Variants in USP15 observed in about 807,000 individuals in gnomAD.
USP15 encodes ubiquitin carboxyl-terminal hydrolase 15.
A neutral mutation model predicts 127.1 loss-of-function variants in USP15; 18 were observed. The ratio of observed to expected loss-of-function variants is 0.14; its 90% CI spans 0.10 to 0.21. The LOEUF (loss-of-function observed/expected upper bound fraction) is 0.21. USP15 is among the 10% of genes least tolerant of loss of function. USP15 has a pLI of 1.00. For missense variants in USP15, 805 were observed against 1,159.9 expected, an observed-to-expected ratio of 0.69 and a Z score of 4.44; for synonymous variants, 364 against 393.7, an observed-to-expected ratio of 0.92 and a Z score of 0.89.
chr12:62,262,442 C>G (rs1430664466), intron 1 of USP15, among the ~76,000 whole-genome samples: 1 of 151,940 alleles, frequency 6.6e-6, no homozygotes, highest in Admixed American at 6.6e-5. Context: ...AGTGAATTTC[C>G]TTAAAATAGA....
chr12:62,274,163 T>G (rs1348107207), intron 1 of USP15: 1 of 152,018 alleles, frequency 6.6e-6, no homozygotes, highest in African/African-American at 2.4e-5. Context: ...ATGACCTTGA[T>G]AAGTTATATA....
At position 62,405,816 on chromosome 12, in the gene USP15, C is replaced by T. The variant is rs1278866957; in HGVS notation, c.*1441C>T. On this transcript the variant is annotated 3_prime_UTR_variant, in exon 22 of 22. Transcript: ENST00000280377. ...TAAATAAAAGTTCACTCTGTGAGTG[C>T]ACATTTTGGTAAATTATTTATTTAT... 6.6e-6 allele frequency: 1 copy of T among 152,266 alleles called. No homozygotes were observed. The allele number at this position is 152,266 out of a possible 1,614,324, so 9.4% of individuals were successfully genotyped here.
intron 8 of USP15, among the ~76,000 whole-genome samples, chr12:62,377,727 CAAA>C (rs1029355233): frequency 7.5e-6 from 1 of 133,386 alleles, no homozygotes; most frequent in Admixed American, 7.4e-5. Flanking sequence ...ATTCCATCTC[CAAA>C]AAAAAAAAGA....
At chr12:62,298,392 C>T (rs184041592) in intron 2 of USP15, among the ~76,000 whole-genome samples, 2 of 151,900 alleles carry the variant, frequency 1.3e-5, no homozygotes, top group Non-Finnish European at 2.9e-5. Flanking sequence ...TCCAGCCAGT[C>T]GCGATGGCTC....
At chr12:62,391,087 GATTAATAAT>G (rs1023991241) in intron 15 of USP15, 61 bp from the exon 16 acceptor site, 3 of 1,500,202 alleles carry the variant, frequency 2.0e-6, no homozygotes, top group African/African-American at 2.9e-5. Flanking sequence ...GGAAACCTAG[GATTAATAAT>G]ATTAATAATT....
At chr12:62,404,066 G>T (rs764308227) in intron 21 of USP15, 127 bp from the exon 22 acceptor site, 171 of 742,192 alleles carry the variant, frequency 2.3e-4, no homozygotes, top group Non-Finnish European at 3.0e-4. Context: ...ACTTCCATTT[G>T]ACCATGCATG....
intron 8 of USP15, among the ~76,000 whole-genome samples, chr12:62,364,176 A>G (rs575236572): frequency 6.6e-6 from 1 of 152,332 alleles, no homozygotes; most frequent in African/African-American, 2.4e-5. Flanking sequence ...ATACATTTGA[A>G]TGGAGGAATG....
intron 6 of USP15, among the ~76,000 whole-genome samples, chr12:62,336,842 A>G (rs2065482940): frequency 6.6e-6 from 1 of 152,220 alleles, no homozygotes; most frequent in Admixed American, 6.5e-5. Context: ...TACATAGTTG[A>G]AAAGGAGTAT....
At chr12:62,265,476 T>G (rs1436836741) in intron 1 of USP15, among the ~76,000 whole-genome samples, 1 of 152,254 alleles carries the variant, frequency 6.6e-6, no homozygotes, top group Non-Finnish European at 1.5e-5. Context: ...ATAGCTGGGA[T>G]TTGAACCCAA....
Position 62,406,964 on chromosome 12 carries a change from CA to C in USP15, c.*2601del, listed in dbSNP as rs1006724247. 1.1e-3 allele frequency: 143 copies of C among 134,136 alleles called. No individual in the cohort carries two copies. The highest frequency in any genetic ancestry group is 4.1e-3 in the Middle Eastern group (1 of 242). 8.3% of individuals were successfully genotyped at this position (134,136 alleles called of 1,614,324 possible). A position where few individuals can be genotyped will look rare whatever the true frequency, so the allele number is the denominator to read the frequency against. On this transcript the variant is annotated 3_prime_UTR_variant, in exon 22 of 22. Coordinates refer to ENST00000280377, the MANE Select transcript of USP15 (RefSeq NM_001252078.2). ...TGTGCAACATAGCAAGACTCTGTCT[CA>C]AAAAAAAAAAAGATATTCATAGGTA...
At chr12:62,396,468 T>C in intron 20 of USP15, 70 bp downstream of exon 20, 3 of 1,239,884 alleles carry the variant, frequency 2.4e-6, no homozygotes, top group Non-Finnish European at 3.5e-6. Context: ...TTCTTTAAGA[T>C]ATTTATTACT....
rs749344516 is a variant in USP15, at chr12:62,391,341, G to T, written c.2145G>T (p.Gln715His). ...ACAAAAAACGATTGTTTACATTCCA[G>T]TTCAACAACTTAGGCAATACTGATA... ...TGHKKRLFTFQFNNLGNTDIN... is the reference protein window; with the variant it reads ...TGHKKRLFTFHFNNLGNTDIN... The change falls in exon 16 of 22, where the codon CAG (glutamine) becomes CAT (histidine). Residue 715 changes from glutamine (Q) to histidine (H), a missense_variant. By Grantham distance (24) the Gln-to-His change is conservative. Coordinates refer to ENST00000280377, the MANE Select transcript of USP15 (RefSeq NM_001252078.2). 1.9e-6 allele frequency: 3 copies of T among 1,613,368 alleles called. No individual in the cohort carries two copies. Among genetic ancestry groups the T allele is most frequent in the Non-Finnish European group, 1.7e-6 (2 of 1,179,614 alleles).
chr12:62,337,694 A>T (rs558652113), intron 6 of USP15, among the ~76,000 whole-genome samples: 31 of 138,544 alleles, frequency 2.2e-4, no homozygotes, highest in African/African-American at 8.5e-4. Context: ...ATGTGTTCTC[A>T]TTGTTCAACT....
intron 9 of USP15, among the ~76,000 whole-genome samples, chr12:62,383,200 A>G (rs2067041543): frequency 6.6e-6 from 1 of 151,930 alleles, no homozygotes; most frequent in Non-Finnish European, 1.5e-5. Flanking sequence ...CTGAAATAAC[A>G]ACTACTGAAC....
intron 6 of USP15, among the ~76,000 whole-genome samples, chr12:62,344,592 T>C (rs1307367960): frequency 6.6e-6 from 1 of 152,174 alleles, no homozygotes; most frequent in East Asian, 1.9e-4. Flanking sequence ...CTCCAGTAGG[T>C]GGTGCCCCAG....
intron 6 of USP15, among the ~76,000 whole-genome samples, chr12:62,338,853 T>C (rs1363240375): frequency 1.3e-5 from 2 of 152,194 alleles, no homozygotes; most frequent in Admixed American, 6.5e-5. Flanking sequence ...ACCAGTACCA[T>C]GCTGTTTTGG....
chr12:62,348,609 T>C lies in USP15; in HGVS notation c.684-612T>C, dbSNP rs193196231. Among the ~76,000 whole-genome samples, 255 of 152,330 alleles carry C rather than the reference T, an allele frequency of 1.7e-3. 3 individuals carry two copies. Among genetic ancestry groups the C allele is most frequent in the African/African-American group, 5.7e-3 (239 of 41,580 alleles). On this transcript the variant is annotated intron_variant, in intron 6 of 21. Transcript: ENST00000280377. ...TTATAGATTTGTTGATTATAAGTCA[T>C]GCCTTTAATACATACTTGTTGATTA...
At position 62,271,079 on chromosome 12, in the gene USP15, A is replaced by G. The variant is rs79927809; in HGVS notation, c.89+10576A>G. Among the ~76,000 whole-genome samples the G allele has an allele frequency of 2.8e-3, 423 of 152,148 alleles. 1 individual carries two copies. The highest frequency in any genetic ancestry group is 9.6e-3 in the African/African-American group (400 of 41,534). ...ACAATGCGCTGTCTTAAGAACATAG[A>G]TAAGTGTGCTAATTATCAAAAACAC... On this transcript the variant is annotated intron_variant, in intron 1 of 21. Transcript: ENST00000280377.
chr12:62,390,188 A>C (rs929765641), intron 14 of USP15, among the ~76,000 whole-genome samples, 200 bp downstream of exon 14: 1 of 152,178 alleles, frequency 6.6e-6, no homozygotes, highest in Non-Finnish European at 1.5e-5. Flanking sequence ...TTTCAAACCC[A>C]GGAAGCACGA....
Sources: gnomAD v4.1 joint callset for allele counts (sites outside exome capture counted in the v4.1 genomes callset) on GRCh38, gnomAD v4.1.1 for gene constraint, MANE v1.5 for transcripts, NCBI Gene and HGNC (gene_info 2026-07-23, HGNC 2026-07-21) for gene names.